The following DLG2 variants were observed in gnomAD, a reference collection of about 807,000 sequenced individuals.
DLG2 encodes discs large MAGUK scaffold protein 2, also known as disks large homolog 2.
A neutral mutation model predicts 132.5 loss-of-function variants in DLG2; 45 were observed. That is an observed-to-expected ratio of 0.34 (90% CI 0.27 to 0.44). DLG2 has a LOEUF of 0.44. Among genes scored for constraint, DLG2 ranks in the 20% least tolerant of loss-of-function variants. DLG2 has a pLI of 1.00. For synonymous variants in DLG2, 424 were observed against 419.6 expected (o/e 1.01, Z -0.13); for missense variants, 1,045 against 1,196.9 (o/e 0.87, Z 1.87).
intron 3 of DLG2, among the ~76,000 whole-genome samples, chr11:85,582,847 C>T (rs2078642971): frequency 6.7e-6 from 1 of 149,336 alleles, no homozygotes; most frequent in African/African-American, 2.5e-5. Context: ...CTTTTAGGGA[C>T]TCATGATTAA....
At chr11:85,367,799 G>T (rs1035809161) in intron 3 of DLG2, among the ~76,000 whole-genome samples, 1 of 151,658 alleles carries the variant, frequency 6.6e-6, no homozygotes, top group Non-Finnish European at 1.5e-5. Context: ...TACCTATTTC[G>T]GTTGCATCTT....
At chr11:84,871,270 T>C (rs566870102) in intron 6 of DLG2, among the ~76,000 whole-genome samples, 1 of 152,346 alleles carries the variant, frequency 6.6e-6, no homozygotes, top group Admixed American at 6.5e-5. Context: ...CCCTAGAATC[T>C]TATTTTTCTA....
intron 6 of DLG2, among the ~76,000 whole-genome samples, chr11:84,660,637 T>C (rs2099693535): frequency 1.3e-5 from 2 of 152,112 alleles, no homozygotes; most frequent in Admixed American, 6.6e-5. Flanking sequence ...TAGACTATGA[T>C]GGAACATGCT....
chr11:85,085,714 A>G (rs1256127972), intron 6 of DLG2, among the ~76,000 whole-genome samples: 3 of 152,258 alleles, frequency 2.0e-5, no homozygotes, highest in Non-Finnish European at 4.4e-5. Flanking sequence ...TTTTACTTCC[A>G]TCTTAACTCT....
intron 4 of DLG2, among the ~76,000 whole-genome samples, chr11:85,185,951 T>C (rs1054954690): frequency 1.3e-5 from 2 of 152,038 alleles, no homozygotes; most frequent in Admixed American, 6.6e-5. Context: ...TTAGGTCACA[T>C]ACTAAGTTAC....
intron 5 of DLG2, among the ~76,000 whole-genome samples, chr11:85,115,581 C>T (rs79978466): frequency 0.09 from 13,593 of 151,808 alleles, 918 homozygotes; most frequent in Non-Finnish European, 0.11. Context: ...AATGAACAAG[C>T]GTAAGGGAAA....
intron 3 of DLG2, among the ~76,000 whole-genome samples, chr11:85,386,464 T>C (rs2152938107): frequency 6.6e-6 from 1 of 152,114 alleles, no homozygotes; most frequent in East Asian, 1.9e-4. Flanking sequence ...GCTTTTCTGA[T>C]TTTTTTTCTG....
intron 17 of DLG2, chr11:83,791,479 T>A: frequency 1.4e-6 from 1 of 694,304 alleles, no homozygotes; most frequent in East Asian, 3.1e-5. Context: ...CCAAAGTCAC[T>A]GGCTAGCGAT....
At chr11:83,871,848 T>C (rs1046868402) in intron 16 of DLG2, among the ~76,000 whole-genome samples, 1 of 152,196 alleles carries the variant, frequency 6.6e-6, no homozygotes, top group Non-Finnish European at 1.5e-5. Context: ...TCAAAATAAG[T>C]CTTCAAACTA....
chr11:83,691,600 C>T (rs144389886), intron 18 of DLG2, among the ~76,000 whole-genome samples: 6 of 152,164 alleles, frequency 3.9e-5, no homozygotes, highest in Admixed American at 6.5e-5. Flanking sequence ...TCTTTCCCAA[C>T]GAACTTCAAA....
rs182985607 is a variant in DLG2, at chr11:85,365,871, G to A, written c.41-80506C>T. Among the ~76,000 whole-genome samples the A allele has an allele frequency of 2.1e-3, 323 of 152,242 alleles. 1 individual carries two copies. The highest frequency in any genetic ancestry group is 7.1e-3 in the African/African-American group (295 of 41,544). Reference sequence around the variant, plus strand: ...CACCCCATGTTCTCACTCATAAGTGGGAGTTGAACAATGAGAACACGTGGA... The same window carrying A: ...CACCCCATGTTCTCACTCATAAGTGAGAGTTGAACAATGAGAACACGTGGA... On this transcript the variant is annotated intron_variant, in intron 3 of 27. Coordinates refer to ENST00000376104, the MANE Select transcript of DLG2 (RefSeq NM_001142699.3).
chr11:83,875,083 T>C (rs891149734), intron 15 of DLG2, among the ~76,000 whole-genome samples: 6 of 152,104 alleles, frequency 3.9e-5, no homozygotes, highest in African/African-American at 1.4e-4. Flanking sequence ...TTAGTTAGTA[T>C]AGATGTATTT....
Position 85,368,633 on chromosome 11 carries a change from C to T in DLG2, c.41-83268G>A, listed in dbSNP as rs79669424. 1.8e-3 allele frequency among the ~76,000 whole-genome samples: 279 copies of T among 152,344 alleles called. 1 individual carries two copies. The highest frequency in any genetic ancestry group is 6.3e-3 in the African/African-American group (260 of 41,576). Reference sequence around the variant, plus strand: ...ACCCAGATCTCCCAATCAGAACCAACGCTTTCAATTCCCAACTTCCAGGAT... The same window carrying T: ...ACCCAGATCTCCCAATCAGAACCAATGCTTTCAATTCCCAACTTCCAGGAT... On this transcript the variant is annotated intron_variant, in intron 3 of 27. Coordinates refer to ENST00000376104, the MANE Select transcript of DLG2 (RefSeq NM_001142699.3).
intron 3 of DLG2, among the ~76,000 whole-genome samples, chr11:85,304,184 A>G (rs2079791626): frequency 6.6e-6 from 1 of 152,188 alleles, no homozygotes; most frequent in African/African-American, 2.4e-5. Flanking sequence ...ACATAGCTTA[A>G]AAACTATGGC....
chr11:83,515,208 T>C (rs2095247252), intron 21 of DLG2, among the ~76,000 whole-genome samples: 2 of 152,260 alleles, frequency 1.3e-5, no homozygotes, highest in South Asian at 2.1e-4. Flanking sequence ...TATCAGATTC[T>C]GTTATTCGTC....
intron 14 of DLG2, among the ~76,000 whole-genome samples, chr11:83,942,692 A>T (rs2082927738): frequency 6.6e-6 from 1 of 152,238 alleles, no homozygotes; most frequent in South Asian, 2.1e-4. Flanking sequence ...TGGCGGGATT[A>T]TGGGTACTTT....
chr11:84,516,372 C>G (rs1189277926), intron 7 of DLG2, among the ~76,000 whole-genome samples: 1 of 151,160 alleles, frequency 6.6e-6, no homozygotes, highest in African/African-American at 2.4e-5. Flanking sequence ...CAGATAAAGT[C>G]AAACATGAAA....
chr11:83,583,131 T>C (rs1249024368), intron 19 of DLG2, among the ~76,000 whole-genome samples: 2 of 152,266 alleles, frequency 1.3e-5, no homozygotes, highest in Non-Finnish European at 2.9e-5. Flanking sequence ...AAAAGTGCAC[T>C]AGTTAAATAA....
intron 3 of DLG2, among the ~76,000 whole-genome samples, chr11:85,511,007 T>C (rs1466309631): frequency 2.0e-5 from 3 of 151,882 alleles, no homozygotes; most frequent in Non-Finnish European, 2.9e-5. Flanking sequence ...ATTAAGAAAA[T>C]GTGGCACATA....
Sources: gnomAD v4.1 joint callset for allele counts (sites outside exome capture counted in the v4.1 genomes callset) on GRCh38, gnomAD v4.1.1 for gene constraint, MANE v1.5 for transcripts, NCBI Gene and HGNC (gene_info 2026-07-23, HGNC 2026-07-21) for gene names.